MTPN: variants seen among roughly 807,000 people sequenced by gnomAD.
MTPN encodes myotrophin.
In MTPN, 2 loss-of-function variants were observed where a neutral mutation model predicts 13.5. The ratio of observed to expected loss-of-function variants is 0.15; its 90% CI spans 0.06 to 0.47. The LOEUF (loss-of-function observed/expected upper bound fraction) is 0.47. MTPN is among the 20% of genes least tolerant of loss of function. MTPN has a pLI of 0.97. For missense variants in MTPN, 79 were observed against 137.9 expected, an observed-to-expected ratio of 0.57 and a Z score of 2.14; for synonymous variants, 46 against 51.7, an observed-to-expected ratio of 0.89 and a Z score of 0.48.
At chr7:135,945,563 A>C (rs1374530995) in intron 3 of MTPN, among the ~76,000 whole-genome samples, 1 of 152,206 alleles carries the variant, frequency 6.6e-6, no homozygotes, top group South Asian at 2.1e-4. Context: ...AGGATCATCA[A>C]TATCACTTTT....
chr7:135,936,518 T>TA (rs1259035294), intron 3 of MTPN, among the ~76,000 whole-genome samples: 1 of 152,126 alleles, frequency 6.6e-6, no homozygotes. Flanking sequence ...AAATAGGAAC[T>TA]AAAAATATAA....
intron 3 of MTPN, among the ~76,000 whole-genome samples, chr7:135,938,096 A>G (rs560623802): frequency 5.9e-5 from 9 of 152,312 alleles, no homozygotes; most frequent in African/African-American, 2.2e-4. Context: ...AGGGTCACCC[A>G]GTTGTTATAC....
At chr7:135,961,827 AG>A (rs1799527872) in intron 1 of MTPN, among the ~76,000 whole-genome samples, 2 of 152,236 alleles carry the variant, frequency 1.3e-5, no homozygotes, top group South Asian at 4.1e-4. Context: ...CTAAAAAGCT[AG>A]GAAGAGTAAT....
chr7:135,970,930 G>T (rs987375634), intron 1 of MTPN, among the ~76,000 whole-genome samples: 2 of 151,744 alleles, frequency 1.3e-5, no homozygotes, highest in Non-Finnish European at 2.9e-5. Flanking sequence ...TTATAAGAAA[G>T]AAACTAATAA....
chr7:135,955,100 G>A lies in MTPN; in HGVS notation c.73-3470C>T, dbSNP rs558710917. Among the ~76,000 whole-genome samples, 41 of 152,156 alleles carry A rather than the reference G, an allele frequency of 2.7e-4. No individual in the cohort carries two copies. In the South Asian group the frequency reaches 7.3e-3, roughly 27 times the overall value. ...ACAAAAAGACGATGAGACTGAAAAG[G>A]CTTTGTGTGACTGACAGAAAAAAAT... On this transcript the variant is annotated intron_variant, in intron 1 of 3. Coordinates refer to ENST00000393085, the MANE Select transcript of MTPN (RefSeq NM_145808.4).
At position 135,927,951 on chromosome 7, in the gene MTPN, A is replaced by C. The variant is rs1488319649; in HGVS notation, c.*1975T>G. On this transcript the variant is annotated 3_prime_UTR_variant, in exon 4 of 4. Transcript: ENST00000393085. ...GAAAGTAAAGGTGAAAATTATATAA[A>C]GGGAAAAATTCAAGCCTTTAAATAG... 2 of 298,904 alleles carry C rather than the reference A, an allele frequency of 6.7e-6. No individual in the cohort carries two copies. Among genetic ancestry groups the C allele is most frequent in the Non-Finnish European group, 1.4e-5 (2 of 146,388 alleles). 18.5% of individuals were successfully genotyped at this position (298,904 alleles called of 1,614,324 possible).
At chr7:135,931,577 C>T (rs182882029) in intron 3 of MTPN, among the ~76,000 whole-genome samples, 7 of 152,196 alleles carry the variant, frequency 4.6e-5, no homozygotes, top group East Asian at 1.9e-4. Context: ...GACGTCAGTG[C>T]GTGAGAACTT....
chr7:135,961,850 A>G (rs1488951234), intron 1 of MTPN, among the ~76,000 whole-genome samples: 1 of 152,128 alleles, frequency 6.6e-6, no homozygotes, highest in Non-Finnish European at 1.5e-5. Flanking sequence ...TTGGTACATG[A>G]TAAAGTGATA....
chr7:135,973,523 G>A (rs1459760604), intron 1 of MTPN, among the ~76,000 whole-genome samples: 1 of 152,030 alleles, frequency 6.6e-6, no homozygotes, highest in Non-Finnish European at 1.5e-5. Context: ...TGTCTGAACA[G>A]AGCTTATGCA....
chr7:135,974,951 C>A (rs1174609160), intron 1 of MTPN, among the ~76,000 whole-genome samples: 7 of 152,176 alleles, frequency 4.6e-5, no homozygotes, highest in Non-Finnish European at 7.4e-5. Context: ...TTTATGAAAT[C>A]TTCAAAACTA....
chr7:135,976,975 C>G lies in MTPN; in HGVS notation c.72+54G>C, dbSNP rs147351193. 1.0e-3 allele frequency: 1,574 copies of G among 1,500,728 alleles called. 21 individuals carry two copies. The East Asian group carries it at 0.032, about 31-fold the overall frequency. 93.0% of individuals were successfully genotyped at this position (1,500,728 alleles called of 1,614,324 possible). A position where few individuals can be genotyped will look rare whatever the true frequency, so the allele number is the denominator to read the frequency against. On this transcript the variant is annotated intron_variant, in intron 1 of 3. Coordinates refer to ENST00000393085, the MANE Select transcript of MTPN (RefSeq NM_145808.4). ...GTCCAGCTCCCATCAGCTTCCTCAGCCTCATCTCCAGCCCACCTCCGTGTT... is the reference window on the plus strand; with the variant it reads ...GTCCAGCTCCCATCAGCTTCCTCAGGCTCATCTCCAGCCCACCTCCGTGTT...
intron 1 of MTPN, among the ~76,000 whole-genome samples, chr7:135,959,934 T>G (rs919376109): frequency 6.6e-6 from 1 of 152,080 alleles, no homozygotes; most frequent in Non-Finnish European, 1.5e-5. Flanking sequence ...CTTTCCTCTT[T>G]ACAATGCCAA....
intron 2 of MTPN, 53 bp downstream of exon 2, chr7:135,951,464 C>G: frequency 9.5e-7 from 1 of 1,055,424 alleles, no homozygotes; most frequent in Admixed American, 2.0e-5. Flanking sequence ...AAACAATTAC[C>G]CATAGCATAT....
intron 1 of MTPN, chr7:135,960,560 AG>A (rs901099269): frequency 5.3e-5 from 8 of 152,004 alleles, no homozygotes; most frequent in Non-Finnish European, 2.9e-5. Flanking sequence ...ACCAATATGG[AG>A]GTAGGGTATA....
rs1798974240 is a variant in MTPN at position 135,929,160 on chromosome 7, T to C, written c.*766A>G. On this transcript the variant is annotated 3_prime_UTR_variant, in exon 4 of 4. Transcript: ENST00000393085. ...GGAGTTTGAAAGTGTTTCAATGCTA[T>C]ATAAATGTATGAATCTAGAGGAGAA... 6.0e-6 allele frequency: 1 copy of C among 167,040 alleles called. No individual in the cohort carries two copies. The highest frequency in any genetic ancestry group is 2.4e-5 in the African/African-American group (1 of 41,442). The allele number at this position is 167,040 out of a possible 1,614,324, so 10.3% of individuals were successfully genotyped here.
chr7:135,950,788 A>AAATC (rs1410856567), intron 2 of MTPN, 106 bp from the exon 3 acceptor site: 93 of 856,822 alleles, frequency 1.1e-4, no homozygotes, highest in African/African-American at 7.1e-4. Flanking sequence ...CCTTTCTAGA[A>AAATC]AATCAATCAA....
intron 1 of MTPN, 132 bp downstream of exon 1, chr7:135,976,897 T>G (rs1799782340): frequency 2.3e-6 from 2 of 862,982 alleles, no homozygotes; most frequent in East Asian, 5.5e-5. Context: ...CCTCTCTCCT[T>G]GGTGCCGCCT....
At chr7:135,935,759 G>A (rs553413916) in intron 3 of MTPN, among the ~76,000 whole-genome samples, 1 of 152,198 alleles carries the variant, frequency 6.6e-6, no homozygotes, top group East Asian at 1.9e-4. Flanking sequence ...GTGTGGCTAC[G>A]CCAAACAACG....
rs35026808 is a variant in MTPN, at chr7:135,972,261, C to CACA, written c.72+4767_72+4768insTGT. On this transcript the variant is annotated intron_variant, in intron 1 of 3. Coordinates refer to ENST00000393085, the MANE Select transcript of MTPN (RefSeq NM_145808.4). The stretch of plus-strand genomic sequence containing the variant: ...CACACACACACACACACACACACAC[C>CACA]CCATGTAGATTCAGACAGTTCTGGG... Among the ~76,000 whole-genome samples, 312 of 90,850 alleles carry CACA rather than the reference C, an allele frequency of 3.4e-3. 3 individuals are homozygous for CACA. The highest frequency in any genetic ancestry group is 0.012 in the African/African-American group (300 of 25,886). The allele number at this position is 90,850 out of a possible 152,430, so 59.6% of individuals were successfully genotyped here.
Sources: allele counts gnomAD v4.1 joint callset (sites outside exome capture counted in the v4.1 genomes callset), GRCh38; gene constraint gnomAD v4.1.1; transcripts MANE v1.5; gene names NCBI Gene and HGNC (gene_info 2026-07-23, HGNC 2026-07-21).